The following RABGEF1 variants were observed in gnomAD, a reference collection of about 807,000 sequenced individuals.
The protein encoded by RABGEF1 is rab5 GDP/GTP exchange factor.
In RABGEF1, 26 loss-of-function variants were observed where a neutral mutation model predicts 57.3. The ratio of observed to expected loss-of-function variants is 0.45; its 90% CI spans 0.33 to 0.63. The LOEUF is 0.63. RABGEF1 is among the 20% of genes least tolerant of loss of function. The pLI, the probability that RABGEF1 is intolerant of heterozygous loss-of-function variation, is 0.02. For synonymous variants in RABGEF1, 185 were observed against 210.7 expected, an observed-to-expected ratio of 0.88 and a Z score of 1.06; for missense variants, 464 against 607.6, an observed-to-expected ratio of 0.76 and a Z score of 2.48.
chr7:66,775,861 C>T (rs776112264), intron 3 of RABGEF1, among the ~76,000 whole-genome samples: 1 of 152,170 alleles, frequency 6.6e-6, no homozygotes, highest in East Asian at 1.9e-4. Context: ...GTATTGAGAA[C>T]ATATAGGAAA....
intron 1 of RABGEF1, among the ~76,000 whole-genome samples, chr7:66,697,812 A>G (rs2117209531): frequency 6.6e-6 from 1 of 152,200 alleles, no homozygotes; most frequent in South Asian, 2.1e-4. Flanking sequence ...ACTCAGCAGA[A>G]CTGCGGTGGG....
chr7:66,806,259 A>G (rs755914353), intron 8 of RABGEF1, among the ~76,000 whole-genome samples: 1 of 152,168 alleles, frequency 6.6e-6, no homozygotes, highest in Non-Finnish European at 1.5e-5. Flanking sequence ...TGAATCTCTC[A>G]GTCTCTAAAA....
chr7:66,808,323 C>T (rs1192482786), intron 8 of RABGEF1, among the ~76,000 whole-genome samples: 1 of 151,838 alleles, frequency 6.6e-6, no homozygotes, highest in Admixed American at 6.6e-5. Context: ...TCAAGCAATT[C>T]TCCTGCCTCA....
At chr7:66,805,702 A>T (rs1402740882) in intron 8 of RABGEF1, among the ~76,000 whole-genome samples, 1 of 152,154 alleles carries the variant, frequency 6.6e-6, no homozygotes, top group African/African-American at 2.4e-5. Context: ...GAATAAGGCA[A>T]ATTATGTATA....
chr7:66,690,100 CTT>C (rs892888858), intron 1 of RABGEF1, among the ~76,000 whole-genome samples: 44 of 124,176 alleles, frequency 3.5e-4, no homozygotes, highest in Non-Finnish European at 4.1e-4. Context: ...ATAAAAAATT[CTT>C]TTTTTTTTTT....
chr7:66,767,087 C>G (rs559003008), intron 1 of RABGEF1, among the ~76,000 whole-genome samples: 4 of 150,970 alleles, frequency 2.6e-5, no homozygotes, highest in Admixed American at 6.6e-5. Context: ...ACTGCAACCT[C>G]CATCTCCCCG....
intron 8 of RABGEF1, 113 bp from the exon 9 acceptor site, chr7:66,808,773 T>G: frequency 8.6e-7 from 1 of 1,157,052 alleles, no homozygotes; most frequent in Non-Finnish European, 1.2e-6. Flanking sequence ...ATGAGTTTGT[T>G]TTGTTTACTT....
intron 1 of RABGEF1, among the ~76,000 whole-genome samples, chr7:66,686,819 T>C (rs1468737898): frequency 6.6e-6 from 1 of 151,782 alleles, no homozygotes; most frequent in Non-Finnish European, 1.5e-5. Flanking sequence ...AGAACTTTTT[T>C]TTCTTTTTCT....
At chr7:66,711,248 A>G (rs1241308361) in intron 1 of RABGEF1, among the ~76,000 whole-genome samples, 1 of 152,190 alleles carries the variant, frequency 6.6e-6, no homozygotes, top group African/African-American at 2.4e-5. Context: ...ATGAAATCCA[A>G]TTAATCTTTT....
intron 1 of RABGEF1, among the ~76,000 whole-genome samples, chr7:66,762,063 C>CA (rs1223548348): frequency 1.2e-4 from 18 of 150,478 alleles, no homozygotes; most frequent in African/African-American, 3.7e-4. Flanking sequence ...CAAAAAAAAA[C>CA]AAAAAAACAA....
intron 1 of RABGEF1, among the ~76,000 whole-genome samples, chr7:66,760,401 C>G (rs1188061516): frequency 6.6e-6 from 1 of 151,512 alleles, no homozygotes; most frequent in Non-Finnish European, 1.5e-5. Flanking sequence ...TTTAACCATC[C>G]CATAGATGTT....
chr7:66,758,952 C>A (rs1193318976), intron 1 of RABGEF1, among the ~76,000 whole-genome samples: 1 of 152,204 alleles, frequency 6.6e-6, no homozygotes, highest in Admixed American at 6.5e-5. Flanking sequence ...ACAGTACAGA[C>A]AGGTCCTGTG....
intron 2 of RABGEF1, among the ~76,000 whole-genome samples, chr7:66,732,781 C>T (rs1457385421): frequency 1.3e-5 from 2 of 152,106 alleles, no homozygotes; most frequent in African/African-American, 4.8e-5. Flanking sequence ...CTCACTCGCT[C>T]TCTCTTGCTG....
intron 1 of RABGEF1, among the ~76,000 whole-genome samples, chr7:66,743,611 C>T (rs990375260): frequency 2.1e-4 from 32 of 152,118 alleles, no homozygotes; most frequent in Admixed American, 1.3e-3. Flanking sequence ...ACGCCATTCT[C>T]CTGCCTCAGC....
chr7:66,713,275 G>C (rs1295581420), intron 2 of RABGEF1, among the ~76,000 whole-genome samples: 1 of 151,816 alleles, frequency 6.6e-6, no homozygotes, highest in Non-Finnish European at 1.5e-5. Context: ...CCGAGTAGGT[G>C]GGACTACAGG....
intron 1 of RABGEF1, among the ~76,000 whole-genome samples, chr7:66,758,182 G>T (rs1298701795): frequency 1.3e-5 from 2 of 152,086 alleles, no homozygotes; most frequent in Non-Finnish European, 2.9e-5. Flanking sequence ...AAGGATAGAG[G>T]GAAACTACTC....
At chr7:66,700,789 A>G (rs1272386586) in intron 1 of RABGEF1, among the ~76,000 whole-genome samples, 3 of 152,216 alleles carry the variant, frequency 2.0e-5, no homozygotes, top group Non-Finnish European at 4.4e-5. Context: ...ACTCCAAGAC[A>G]GAATGGCCCG....
chr7:66,776,742 G>A (rs1343401516), intron 3 of RABGEF1, among the ~76,000 whole-genome samples: 1 of 152,184 alleles, frequency 6.6e-6, no homozygotes, highest in African/African-American at 2.4e-5. Flanking sequence ...TTAATTTGAA[G>A]TTGTTTCTTG....
chr7:66,799,558 A>G, intron 7 of RABGEF1, 144 bp downstream of exon 7: 1 of 667,086 alleles, frequency 1.5e-6, no homozygotes, highest in Non-Finnish European at 2.5e-6. Flanking sequence ...AGATTGTTTT[A>G]TGAATTTGAT....
Sources: allele counts gnomAD v4.1 joint callset (sites outside exome capture counted in the v4.1 genomes callset), GRCh38; gene constraint gnomAD v4.1.1; transcripts MANE v1.5; gene names NCBI Gene and HGNC (gene_info 2026-07-23, HGNC 2026-07-21).